CHL1: variants seen among roughly 807,000 people sequenced by gnomAD.
CHL1 encodes the protein neural cell adhesion molecule L1-like protein.
CHL1 carries 96 observed loss-of-function variants against 141.9 expected under a neutral mutation model. The observed-to-expected ratio is 0.68, with a 90% CI of 0.57 to 0.80. The LOEUF is 0.80. Ranked by LOEUF, CHL1 falls within the 30% of genes least tolerant of loss-of-function variation. CHL1 has a pLI of 0.00. For missense variants in CHL1, 1,820 were observed against 1,457.2 expected (o/e 1.25, Z -4.05); for synonymous variants, 613 against 502.2 (o/e 1.22, Z -2.95).
At chr3:292,428 G>C (rs147956139) in intron 2 of CHL1, among the ~76,000 whole-genome samples, 2 of 152,136 alleles carry the variant, frequency 1.3e-5, no homozygotes, top group Non-Finnish European at 2.9e-5. Context: ...CATTCAGTAA[G>C]TCCTCTTTTT....
At chr3:261,322 G>A (rs559656878) in intron 2 of CHL1, among the ~76,000 whole-genome samples, 1 of 151,940 alleles carries the variant, frequency 6.6e-6, no homozygotes, top group Non-Finnish European at 1.5e-5. Flanking sequence ...GGGAAGAAGA[G>A]AGGGAAGGAA....
intron 1 of CHL1, among the ~76,000 whole-genome samples, chr3:225,681 C>T (rs1436937703): frequency 1.3e-5 from 2 of 152,098 alleles, no homozygotes; most frequent in African/African-American, 4.8e-5. Context: ...TAATTGTACT[C>T]TTCTAGATAT....
chr3:286,499 T>TTCC (rs1164703150), intron 2 of CHL1, among the ~76,000 whole-genome samples: 2 of 151,444 alleles, frequency 1.3e-5, no homozygotes, highest in Non-Finnish European at 2.9e-5. Flanking sequence ...TAATCCCAGC[T>TTCC]ACTTGGGAGG....
At chr3:218,797 A>T (rs932199715) in intron 1 of CHL1, among the ~76,000 whole-genome samples, 1 of 152,218 alleles carries the variant, frequency 6.6e-6, no homozygotes, top group Non-Finnish European at 1.5e-5. Flanking sequence ...GTTTCATGCA[A>T]ATCAAAACCA....
intron 2 of CHL1, among the ~76,000 whole-genome samples, chr3:293,625 C>T (rs940625013): frequency 6.6e-6 from 1 of 152,082 alleles, no homozygotes; most frequent in Non-Finnish European, 1.5e-5. Flanking sequence ...AAAGACCCAG[C>T]GTCATACGTT....
intron 2 of CHL1, among the ~76,000 whole-genome samples, chr3:252,023 C>G (rs971187921): frequency 7.2e-5 from 11 of 151,856 alleles, no homozygotes; most frequent in Non-Finnish European, 1.6e-4. Flanking sequence ...GATAATAAAC[C>G]AACCATAAGG....
intron 5 of CHL1, among the ~76,000 whole-genome samples, chr3:331,705 A>T (rs1233888742): frequency 6.6e-6 from 1 of 152,236 alleles, no homozygotes; most frequent in Non-Finnish European, 1.5e-5. Flanking sequence ...AATGCATATA[A>T]CTAAAAATGG....
chr3:326,139 C>G (rs1385522648), intron 4 of CHL1, 75 bp downstream of exon 4: 24 of 861,364 alleles, frequency 2.8e-5, no homozygotes, highest in Non-Finnish European at 1.8e-6. Context: ...CTTACCATCA[C>G]AAGCCTGTTG....
At chr3:244,583 C>T (rs1574841941) in intron 1 of CHL1, 30 bp from the exon 2 acceptor site, 1 of 152,062 alleles carries the variant, frequency 6.6e-6, no homozygotes, top group Non-Finnish European at 1.5e-5. Flanking sequence ...TAATTGTTTC[C>T]AAAATTACAA....
intron 2 of CHL1, among the ~76,000 whole-genome samples, chr3:305,354 G>C (rs1699131700): frequency 6.6e-6 from 1 of 152,064 alleles, no homozygotes; most frequent in Non-Finnish European, 1.5e-5. Context: ...TTCTAGAGTA[G>C]AGTGAATGCT....
intron 9 of CHL1, 26 bp downstream of exon 9, chr3:344,735 A>G: frequency 6.2e-7 from 1 of 1,610,918 alleles, no homozygotes; most frequent in Non-Finnish European, 8.5e-7. Flanking sequence ...CTCACTCATG[A>G]CTTTGTCCAT....
chr3:238,681 T>C (rs1392052696), intron 1 of CHL1, among the ~76,000 whole-genome samples: 3 of 151,932 alleles, frequency 2.0e-5, no homozygotes, highest in Non-Finnish European at 4.4e-5. Flanking sequence ...TCCCAGCACT[T>C]TGGGAGGCCG....
In CHL1 at chr3:286,610, C is replaced by CAAAA. The variant is rs537257607; in HGVS notation, c.-94-33058_-94-33055dup. Among the ~76,000 whole-genome samples, 357 of 112,064 alleles carry CAAAA rather than the reference C, an allele frequency of 3.2e-3. 1 individual carries two copies. The highest frequency in any genetic ancestry group is 0.01 in the African/African-American group (334 of 33,118). The allele number at this position is 112,064 out of a possible 152,430, so 73.5% of individuals were successfully genotyped here. A position where few individuals can be genotyped will look rare whatever the true frequency, so the allele number is the denominator to read the frequency against. On this transcript the variant is annotated intron_variant, in intron 2 of 27. Coordinates refer to ENST00000256509, the MANE Select transcript of CHL1 (RefSeq NM_006614.4). The stretch of plus-strand genomic sequence containing the variant: ...TGGGTGACAGAGTGAGACTTTGTCT[C>CAAAA]AAAAAAAAAAAAAAAAAATTAAACA...
At chr3:211,498 G>A (rs1244310855) in intron 1 of CHL1, among the ~76,000 whole-genome samples, 1 of 152,120 alleles carries the variant, frequency 6.6e-6, no homozygotes, top group South Asian at 2.1e-4. Context: ...TTCAATTTGT[G>A]CTCTCATTGC....
intron 3 of CHL1, among the ~76,000 whole-genome samples, chr3:320,508 G>A (rs922274307): frequency 2.6e-5 from 4 of 151,742 alleles, no homozygotes; most frequent in Non-Finnish European, 2.9e-5. Context: ...ACGAACCATG[G>A]TAATTAATAG....
chr3:291,319 T>G (rs539627796), intron 2 of CHL1, among the ~76,000 whole-genome samples: 1 of 152,180 alleles, frequency 6.6e-6, no homozygotes, highest in African/African-American at 2.4e-5. Context: ...ATTTCCTTAT[T>G]ATTGCAAATG....
chr3:204,319 G>C (rs891181547), intron 1 of CHL1, among the ~76,000 whole-genome samples: 1 of 152,226 alleles, frequency 6.6e-6, no homozygotes, highest in Non-Finnish European at 1.5e-5. Flanking sequence ...TGGGAAAGCG[G>C]AGATACACTC....
At chr3:262,505 G>A (rs1031530895) in intron 2 of CHL1, among the ~76,000 whole-genome samples, 2 of 119,822 alleles carry the variant, frequency 1.7e-5, no homozygotes, top group Non-Finnish European at 3.3e-5. Context: ...GGATTCACAC[G>A]TTTAAGCCTA....
chr3:205,691 G>A (rs549241565), intron 1 of CHL1, among the ~76,000 whole-genome samples: 1 of 152,192 alleles, frequency 6.6e-6, no homozygotes, highest in African/African-American at 2.4e-5. Flanking sequence ...GTCCTATGAG[G>A]CATTGTGACC....
Sources: gnomAD v4.1 joint callset for allele counts (sites outside exome capture counted in the v4.1 genomes callset) on GRCh38, gnomAD v4.1.1 for gene constraint, MANE v1.5 for transcripts, NCBI Gene and HGNC (gene_info 2026-07-23, HGNC 2026-07-21) for gene names.